Variants in ABR observed in about 807,000 individuals in gnomAD.
The protein encoded by ABR is ABR activator of RhoGEF and GTPase.
In ABR, 35 loss-of-function variants were observed where a neutral mutation model predicts 107.2. The observed-to-expected ratio is 0.33, with a 90% CI of 0.25 to 0.43. ABR has a LOEUF of 0.43. Ranked by LOEUF, ABR falls within the 20% of genes least tolerant of loss-of-function variation. ABR has a pLI of 1.00. For synonymous variants in ABR, 498 were observed against 462.0 expected (o/e 1.08, Z -1.00); for missense variants, 815 against 1,115.2 (o/e 0.73, Z 3.83).
chr17:1,136,715 T>G (rs1490241294), intron 1 of ABR, among the ~76,000 whole-genome samples: 7 of 152,188 alleles, frequency 4.6e-5, no homozygotes, highest in Admixed American at 4.6e-4. Flanking sequence ...TGCAGCTTCC[T>G]CACCTCTCTC....
chr17:1,198,292 C>T (rs1349319031), intron 1 of ABR, among the ~76,000 whole-genome samples: 1 of 151,560 alleles, frequency 6.6e-6, no homozygotes, highest in Non-Finnish European at 1.5e-5. Flanking sequence ...AACGTCGGTA[C>T]ACGTGGCACG....
chr17:1,205,879 T>A (rs570014231), intron 1 of ABR, among the ~76,000 whole-genome samples: 3 of 151,932 alleles, frequency 2.0e-5, no homozygotes, highest in Non-Finnish European at 4.4e-5. Context: ...GAGGTGGCGG[T>A]TGCAGTGAGC....
intron 3 of ABR, among the ~76,000 whole-genome samples, chr17:1,100,407 G>A (rs917242658): frequency 2.0e-5 from 3 of 152,370 alleles, no homozygotes; most frequent in South Asian, 2.1e-4. Context: ...TCTAAGCCGG[G>A]TGTGCTTCTC....
At chr17:1,061,938 G>A (rs1445831601) in intron 10 of ABR, among the ~76,000 whole-genome samples, 1 of 152,220 alleles carries the variant, frequency 6.6e-6, no homozygotes, top group African/African-American at 2.4e-5. Flanking sequence ...GTGGGGAAGA[G>A]AGGAGTCTGA....
At chr17:1,195,082 C>T (rs1226653494) in intron 1 of ABR, among the ~76,000 whole-genome samples, 213 of 141,434 alleles carry the variant, frequency 1.5e-3, no homozygotes, top group African/African-American at 2.9e-3. Context: ...CCGAGGCGGG[C>T]GGATCACGAG....
intron 1 of ABR, among the ~76,000 whole-genome samples, chr17:1,217,034 C>T (rs1458685314): frequency 6.6e-6 from 1 of 152,188 alleles, no homozygotes; most frequent in African/African-American, 2.4e-5. Flanking sequence ...GGCCACAGAG[C>T]ATCATGGAGG....
intron 1 of ABR, among the ~76,000 whole-genome samples, chr17:1,198,787 C>A (rs1413876078): frequency 7.2e-6 from 1 of 139,808 alleles, no homozygotes; most frequent in African/African-American, 2.7e-5. Context: ...AGTTGCCCAC[C>A]ACCACACCTG....
chr17:1,175,814 G>C (rs981069777), intron 1 of ABR, among the ~76,000 whole-genome samples: 1 of 152,194 alleles, frequency 6.6e-6, no homozygotes. Flanking sequence ...GTTCAGGGCC[G>C]GGCGCGGTGG....
In ABR at chr17:1,084,498, C is replaced by T. The variant is rs1281016757; in HGVS notation, c.532-871G>A. ...GAGCCAAAGCCCCAGCCTCACTACA[C>T]GTTTGCCTGTCACTCACACAGTCAC... On this transcript the variant is annotated intron_variant, in intron 4 of 22. Transcript: ENST00000302538. The surrounding 1 kb of genome is among the most constrained non-coding windows in gnomAD (Gnocchi z 4.2). Among the ~76,000 whole-genome samples, 3 of 152,234 alleles carry T rather than the reference C, an allele frequency of 2.0e-5. No homozygotes were observed. The highest frequency in any genetic ancestry group is 4.8e-5 in the African/African-American group (2 of 41,452).
At chr17:1,196,544 C>A (rs2042569698) in intron 1 of ABR, among the ~76,000 whole-genome samples, 1 of 152,022 alleles carries the variant, frequency 6.6e-6, no homozygotes, top group Non-Finnish European at 1.5e-5. Flanking sequence ...CACCCACCCC[C>A]TCCCTAAATG....
chr17:1,083,582 C>T lies in ABR; in HGVS notation c.577G>A (p.Val193Ile), dbSNP rs1214217161. 6.2e-7 allele frequency: 1 copy of T among 1,611,732 alleles called. No homozygotes were observed. The highest frequency in any genetic ancestry group is 1.3e-5 in the African/African-American group (1 of 74,874). Reference protein sequence around the residue: ...VYKAFVDNYKVALETAEKCSQ... With the variant: ...VYKAFVDNYKIALETAEKCSQ... ...CACTTCTCAGCTGTCTCCAGAGCGA[C>T]TTTATAGTTATCGACAAACGCTTTG... Residue 193 changes from valine to isoleucine, a missense_variant, in exon 5 of 23, where the codon GTC becomes ATC. By Grantham distance (29) the Val-to-Ile change is conservative. This residue lies in a region of ABR where 385 missense variants were observed against 596.9 expected (regional missense o/e 0.64). Transcript: ENST00000302538.
chr17:1,188,294 T>C (rs2042355892), upstream of ABR, among the ~76,000 whole-genome samples: 1 of 152,204 alleles, frequency 6.6e-6, no homozygotes, highest in African/African-American at 2.4e-5. Context: ...CTTATGCCTG[T>C]AATCCCAGCA....
At chr17:1,226,771 CATGT>C (rs1356350181) in intron 1 of ABR, among the ~76,000 whole-genome samples, 11 of 141,350 alleles carry the variant, frequency 7.8e-5, no homozygotes, top group African/African-American at 2.5e-4. Context: ...TGTGTGCATG[CATGT>C]GACAGTGTAC....
chr17:1,146,260 G>GACACACATAC (rs2040517577), intron 1 of ABR, among the ~76,000 whole-genome samples: 1 of 140,108 alleles, frequency 7.1e-6, no homozygotes, highest in African/African-American at 2.7e-5. Context: ...GGCACATGGA[G>GACACACATAC]ACACACACAC....
intron 1 of ABR, among the ~76,000 whole-genome samples, chr17:1,145,435 C>T (rs1219584002): frequency 1.3e-5 from 2 of 152,218 alleles, no homozygotes; most frequent in East Asian, 1.9e-4. Context: ...TAAGGCTCTG[C>T]TCTTCCTCCT....
At chr17:1,023,496 G>C (rs2071895407) in intron 16 of ABR, among the ~76,000 whole-genome samples, 2 of 152,150 alleles carry the variant, frequency 1.3e-5, no homozygotes, top group Admixed American at 1.3e-4. Flanking sequence ...GAGGATGCCA[G>C]AGTGGCAAGG....
chr17:1,009,828 C>T, intron 20 of ABR, 44 bp from the exon 21 acceptor site: 1 of 1,537,604 alleles, frequency 6.5e-7, no homozygotes, highest in African/African-American at 1.4e-5. Context: ...TCCTGGGGCT[C>T]CCCGCCAGGG....
chr17:1,199,703 T>C (rs1359037045), intron 1 of ABR, among the ~76,000 whole-genome samples: 3 of 152,106 alleles, frequency 2.0e-5, no homozygotes, highest in East Asian at 3.8e-4. Context: ...TCCACCCACC[T>C]CAGCTGCCCA....
rs760316843 is a variant in ABR, at chr17:1,058,840, T to C, written c.1210A>G (p.Ile404Val). 2.4e-5 allele frequency: 39 copies of C among 1,614,062 alleles called. No individual in the cohort carries two copies. In the Admixed American group the frequency reaches 6.5e-4, roughly 27 times the overall value. ...AACATCTTCTTCTTCAGGCGCTCGATGGCCCGGCTCTGGCCTTTGTTGGCT... is the reference window on the plus strand; with the variant it reads ...AACATCTTCTTCTTCAGGCGCTCGACGGCCCGGCTCTGGCCTTTGTTGGCT... ...EKANKGQSRA[I>V]ERLKKKMFEN... Residue 404 changes from isoleucine to valine, a missense_variant, in exon 11 of 23, where the codon ATC becomes GTC. Coordinates refer to ENST00000302538, the MANE Select transcript of ABR (RefSeq NM_021962.5).
Sources: allele counts gnomAD v4.1 joint callset (sites outside exome capture counted in the v4.1 genomes callset), GRCh38; gene constraint gnomAD v4.1.1; regional missense constraint gnomAD v4.1.1; non-coding constraint Gnocchi (gnomAD v3.1); transcripts MANE v1.5; gene names NCBI Gene and HGNC (gene_info 2026-07-23, HGNC 2026-07-21).